CDK14: variants seen among roughly 807,000 people sequenced by gnomAD.
CDK14 encodes cyclin-dependent kinase 14.
CDK14 carries 34 observed loss-of-function variants against 60.7 expected under a neutral mutation model. The ratio of observed to expected loss-of-function variants is 0.56; its 90% CI spans 0.43 to 0.75. CDK14 has a LOEUF of 0.75. Ranked by LOEUF, CDK14 falls within the 30% of genes least tolerant of loss-of-function variation. The probability of loss-of-function intolerance (pLI) is 0.00; values close to 1 mark genes in which losing one functional copy is unlikely to be tolerated. For missense variants in CDK14, 482 were observed against 564.1 expected (o/e 0.85, Z 1.47); for synonymous variants, 197 against 203.7 (o/e 0.97, Z 0.28).
At chr7:91,068,193 T>G (rs1798033822) in intron 11 of CDK14, among the ~76,000 whole-genome samples, 1 of 152,216 alleles carries the variant, frequency 6.6e-6, no homozygotes, top group Non-Finnish European at 1.5e-5. Flanking sequence ...AAATGCAGCC[T>G]AGTAGAGAAT....
intron 2 of CDK14, among the ~76,000 whole-genome samples, chr7:90,665,623 A>C (rs754228792): frequency 1.3e-5 from 2 of 152,236 alleles, no homozygotes; most frequent in East Asian, 3.8e-4. Flanking sequence ...AGGTGGTAGC[A>C]GATCCCTGAA....
At chr7:91,202,849 T>G (rs1584212294) in intron 14 of CDK14, among the ~76,000 whole-genome samples, 2 of 152,360 alleles carry the variant, frequency 1.3e-5, no homozygotes, top group South Asian at 4.1e-4. Flanking sequence ...CTAATCACTG[T>G]GTTCACTGTT....
intron 8 of CDK14, among the ~76,000 whole-genome samples, chr7:90,932,065 G>T (rs1432049316): frequency 6.6e-6 from 1 of 152,164 alleles, no homozygotes; most frequent in Non-Finnish European, 1.5e-5. Flanking sequence ...GATATTTTTA[G>T]GAAGAGTTGG....
chr7:90,974,279 C>A (rs2109372), intron 9 of CDK14, among the ~76,000 whole-genome samples: 110,967 of 151,818 alleles, frequency 0.73, 40,676 homozygotes, highest in East Asian at 0.78. Flanking sequence ...TTCAGGGTGC[C>A]CTGATTTCAT....
In CDK14 at chr7:90,633,131, G is replaced by T. The variant is rs10251363; in HGVS notation, c.123+28882G>T. ...AAAAATTGTTTTGCAGTGTACATAG[G>T]TATGCACATAGTCATATAATATCAA... On this transcript the variant is annotated intron_variant, in intron 2 of 14. Coordinates refer to ENST00000380050, the MANE Select transcript of CDK14 (RefSeq NM_001287135.2). Among the ~76,000 whole-genome samples the T allele has an allele frequency of 1.3e-5, 2 of 151,426 alleles. 1 individual carries two copies.
chr7:90,632,935 A>G (rs925231948), intron 2 of CDK14, among the ~76,000 whole-genome samples: 1 of 152,090 alleles, frequency 6.6e-6, no homozygotes, highest in Non-Finnish European at 1.5e-5. Flanking sequence ...CTAAAAATAC[A>G]GAAATTAGCT....
chr7:91,032,103 T>C (rs1156597088), intron 10 of CDK14, among the ~76,000 whole-genome samples: 1 of 152,220 alleles, frequency 6.6e-6, no homozygotes. Flanking sequence ...GGTTCTGTTC[T>C]TCTCTTCCAG....
intron 8 of CDK14, among the ~76,000 whole-genome samples, chr7:90,949,291 T>C (rs1486494544): frequency 6.6e-6 from 1 of 151,980 alleles, no homozygotes; most frequent in Non-Finnish European, 1.5e-5. Context: ...CAACTGCACC[T>C]CCGGGGTTTA....
chr7:90,831,093 C>T (rs909509372), intron 5 of CDK14, among the ~76,000 whole-genome samples: 3 of 152,236 alleles, frequency 2.0e-5, no homozygotes, highest in Non-Finnish European at 2.9e-5. Flanking sequence ...TCCAAAGTCA[C>T]TTCCACATTT....
At chr7:90,606,052 T>C (rs17874813) in intron 2 of CDK14, among the ~76,000 whole-genome samples, 1 of 152,218 alleles carries the variant, frequency 6.6e-6, no homozygotes, top group African/African-American at 2.4e-5. Flanking sequence ...GCAAAGTGGC[T>C]TCCTTCCTCT....
Position 90,790,604 on chromosome 7 carries a change from A to C in CDK14, c.496A>C (p.Ile166Leu). 1.2e-6 allele frequency: 2 copies of C among 1,612,902 alleles called. No individual in the cohort carries two copies. The highest frequency in any genetic ancestry group is 4.5e-5 in the East Asian group (2 of 44,804). ...VNGKLVALKV[I>L]RLQEEEGTPF... ...TGGGAAGTTGGTAGCTCTGAAGGTG[A>C]TCAGGCTGCAGGAAGAAGAAGGGAC... The change falls in exon 5 of 15, where the codon ATC (isoleucine) becomes CTC (leucine). Residue 166 changes from isoleucine to leucine, a missense_variant. Physicochemically the swap from Ile to Leu is conservative, Grantham distance 5. Transcript: ENST00000380050.
chr7:90,647,787 T>A (rs1199432751), intron 2 of CDK14, among the ~76,000 whole-genome samples: 2 of 152,100 alleles, frequency 1.3e-5, no homozygotes, highest in African/African-American at 4.8e-5. Context: ...GCCCAGGAGT[T>A]CGAGGCTGCA....
chr7:91,188,139 C>T lies in CDK14; in HGVS notation c.*29-19026C>T, dbSNP rs574172925. Among the ~76,000 whole-genome samples the T allele has an allele frequency of 4.6e-5, 7 of 152,232 alleles. No homozygotes were observed. In the South Asian group the frequency reaches 1.5e-3, roughly 32 times the overall value. On this transcript the variant is annotated intron_variant, in intron 14 of 14. Transcript: ENST00000380050. Reference sequence around the variant, plus strand: ...CCAAGGACTTCTGTACCATCGCTATCTGCCGAAGTAATTTCTTCTTCTGCA... The same window carrying T: ...CCAAGGACTTCTGTACCATCGCTATTTGCCGAAGTAATTTCTTCTTCTGCA...
rs1389896415 is a variant in CDK14 at position 90,614,825 on chromosome 7, T to G, written c.123+10576T>G. ...AGGCATATGAGCCTGGGAATTTTCT[T>G]AAAATTAATTAATTTATTTATTTAT... On this transcript the variant is annotated intron_variant, in intron 2 of 14. Transcript: ENST00000380050. Among the ~76,000 whole-genome samples, 4 of 152,092 alleles carry G rather than the reference T, an allele frequency of 2.6e-5. 1 individual carries two copies. The highest frequency in any genetic ancestry group is 2.6e-4 in the Admixed American group (4 of 15,270).
intron 5 of CDK14, among the ~76,000 whole-genome samples, chr7:90,849,701 A>G (rs895838826): frequency 6.6e-5 from 10 of 152,014 alleles, no homozygotes; most frequent in African/African-American, 2.4e-4. Context: ...TTTTATAGAA[A>G]AGCCAGAGTG....
intron 14 of CDK14, among the ~76,000 whole-genome samples, chr7:91,136,108 T>C (rs928869061): frequency 1.3e-5 from 2 of 152,208 alleles, no homozygotes; most frequent in African/African-American, 4.8e-5. Context: ...AAAGTGTTTA[T>C]GTCTAAAATG....
intron 2 of CDK14, among the ~76,000 whole-genome samples, chr7:90,642,951 T>C (rs1226507634): frequency 6.6e-6 from 1 of 152,204 alleles, no homozygotes; most frequent in East Asian, 1.9e-4. Context: ...TACCAGATAC[T>C]GGAGACTGGA....
At chr7:90,609,544 T>C (rs1799493930) in intron 2 of CDK14, among the ~76,000 whole-genome samples, 1 of 152,132 alleles carries the variant, frequency 6.6e-6, no homozygotes, top group East Asian at 1.9e-4. Context: ...CACCTCCCCC[T>C]TCGCTGTCTT....
intron 14 of CDK14, among the ~76,000 whole-genome samples, chr7:91,164,747 T>C (rs1431417161): frequency 6.6e-6 from 1 of 152,228 alleles, no homozygotes; most frequent in Non-Finnish European, 1.5e-5. Flanking sequence ...GCACTCCCAA[T>C]ATCCAGTTGT....
Sources: allele counts gnomAD v4.1 joint callset (sites outside exome capture counted in the v4.1 genomes callset), GRCh38; gene constraint gnomAD v4.1.1; transcripts MANE v1.5; gene names NCBI Gene and HGNC (gene_info 2026-07-23, HGNC 2026-07-21).